Variants in MAGI1 observed in about 807,000 individuals in gnomAD.
MAGI1 encodes membrane-associated guanylate kinase, WW and PDZ domain-containing protein 1.
Under a neutral mutation model 139.9 loss-of-function variants are expected in MAGI1, and 58 were observed. That is an observed-to-expected ratio of 0.41 (90% CI 0.34 to 0.52). MAGI1 has a LOEUF of 0.52. Among genes scored for constraint, MAGI1 ranks in the 20% least tolerant of loss-of-function variants. The probability of loss-of-function intolerance (pLI) is 0.12; values close to 1 mark genes in which losing one functional copy is unlikely to be tolerated. For missense variants in MAGI1, 1,874 were observed against 1,901.6 expected, an observed-to-expected ratio of 0.99 and a Z score of 0.27; for synonymous variants, 812 against 737.9, an observed-to-expected ratio of 1.10 and a Z score of -1.63.
At chr3:65,697,058 C>A (rs1441261116) in intron 1 of MAGI1, among the ~76,000 whole-genome samples, 1 of 152,174 alleles carries the variant, frequency 6.6e-6, no homozygotes, top group South Asian at 2.1e-4. Flanking sequence ...ACCAATCCCA[C>A]AGAAATACAA....
intron 16 of MAGI1, among the ~76,000 whole-genome samples, chr3:65,379,888 A>G (rs1273485854): frequency 6.6e-6 from 1 of 152,208 alleles, no homozygotes; most frequent in East Asian, 1.9e-4. Context: ...CCCATTGCAC[A>G]AAGGGAAGGG....
chr3:65,405,590 T>G (rs1193184639), intron 12 of MAGI1, among the ~76,000 whole-genome samples: 2 of 145,788 alleles, frequency 1.4e-5, no homozygotes, highest in African/African-American at 4.9e-5. Flanking sequence ...TAAACAAAAC[T>G]CTATACTGCT....
intron 2 of MAGI1, among the ~76,000 whole-genome samples, chr3:65,550,741 G>A (rs1055855709): frequency 6.6e-6 from 1 of 151,820 alleles, no homozygotes; most frequent in African/African-American, 2.4e-5. Context: ...AAGACAGGAG[G>A]ATCACTTGAG....
intron 4 of MAGI1, 139 bp downstream of exon 4, chr3:65,478,453 C>A (rs753879650): frequency 7.0e-5 from 52 of 743,242 alleles, no homozygotes; most frequent in Non-Finnish European, 1.4e-5. Context: ...CTTCTGCAAG[C>A]ACTGTGTGGT....
intron 1 of MAGI1, among the ~76,000 whole-genome samples, chr3:65,753,427 A>G (rs1344354808): frequency 6.6e-6 from 1 of 152,174 alleles, no homozygotes; most frequent in Non-Finnish European, 1.5e-5. Flanking sequence ...TTATTGGTAA[A>G]GAAACTAAGA....
chr3:65,531,129 C>CT (rs2078693968), intron 2 of MAGI1, among the ~76,000 whole-genome samples: 1 of 151,704 alleles, frequency 6.6e-6, no homozygotes, highest in African/African-American at 2.4e-5. Flanking sequence ...AGCAAAATCT[C>CT]TTTTTTTACA....
At chr3:65,867,204 A>G (rs1384275796) in intron 1 of MAGI1, among the ~76,000 whole-genome samples, 1 of 152,192 alleles carries the variant, frequency 6.6e-6, no homozygotes, top group Non-Finnish European at 1.5e-5. Flanking sequence ...GGCACTCATC[A>G]TCTTCCAACC....
chr3:66,008,619 G>A (rs1444693864), intron 1 of MAGI1, among the ~76,000 whole-genome samples: 1 of 152,156 alleles, frequency 6.6e-6, no homozygotes, highest in Non-Finnish European at 1.5e-5. Flanking sequence ...AACAAGATGA[G>A]ATTCTGTCAG....
At chr3:65,590,709 T>C (rs1159457610) in intron 2 of MAGI1, among the ~76,000 whole-genome samples, 6 of 152,168 alleles carry the variant, frequency 3.9e-5, no homozygotes, top group Non-Finnish European at 1.5e-5. Flanking sequence ...CTACCAAATG[T>C]GACCTACATC....
chr3:65,514,565 T>C (rs1460808328), intron 2 of MAGI1, among the ~76,000 whole-genome samples: 1 of 146,770 alleles, frequency 6.8e-6, no homozygotes, highest in African/African-American at 2.6e-5. Context: ...AAAATGCTCA[T>C]CATCACTGGC....
At chr3:65,515,479 CACTT>C (rs1470342774) in intron 2 of MAGI1, among the ~76,000 whole-genome samples, 8 of 152,234 alleles carry the variant, frequency 5.3e-5, no homozygotes, top group African/African-American at 1.4e-4. Flanking sequence ...CAATGAATGA[CACTT>C]ACACTAAAAG....
intron 1 of MAGI1, among the ~76,000 whole-genome samples, chr3:65,818,629 G>C (rs1186835502): frequency 6.6e-6 from 1 of 152,142 alleles, no homozygotes; most frequent in Non-Finnish European, 1.5e-5. Flanking sequence ...GCATGAAGGA[G>C]GAACCCAACG....
At chr3:66,021,383 CT>C (rs2067951683) in intron 1 of MAGI1, among the ~76,000 whole-genome samples, 1 of 152,178 alleles carries the variant, frequency 6.6e-6, no homozygotes, top group Non-Finnish European at 1.5e-5. Flanking sequence ...TACTAAAACC[CT>C]GAAGCAAGAA....
At chr3:65,772,538 A>T (rs979020078) in intron 1 of MAGI1, among the ~76,000 whole-genome samples, 1 of 152,178 alleles carries the variant, frequency 6.6e-6, no homozygotes. Flanking sequence ...CAAGGGAGGG[A>T]CACCTCTTTC....
intron 1 of MAGI1, among the ~76,000 whole-genome samples, chr3:65,996,296 C>T (rs149838665): frequency 0.012 from 1,766 of 152,214 alleles, 33 homozygotes; most frequent in African/African-American, 0.035. Context: ...ACACAATAAG[C>T]TCTCAATAAT....
intron 2 of MAGI1, among the ~76,000 whole-genome samples, chr3:65,588,952 G>C (rs1219132580): frequency 6.6e-6 from 1 of 152,150 alleles, no homozygotes; most frequent in Non-Finnish European, 1.5e-5. Context: ...AAAAATGTAT[G>C]AGACACTGAA....
At chr3:65,772,856 A>C (rs4688599) in intron 1 of MAGI1, among the ~76,000 whole-genome samples, 77,300 of 151,938 alleles carry the variant, frequency 0.51, 20,310 homozygotes, top group East Asian at 0.6. Flanking sequence ...GAAAAGATGC[A>C]CAGAAAGCAA....
chr3:65,726,749 G>T (rs894307217), intron 1 of MAGI1, among the ~76,000 whole-genome samples: 2 of 151,976 alleles, frequency 1.3e-5, no homozygotes, highest in African/African-American at 4.8e-5. Flanking sequence ...GCCTGGGTAG[G>T]GTTTCAGGCA....
chr3:65,479,449 T>G (rs1043323555), intron 3 of MAGI1, among the ~76,000 whole-genome samples: 2 of 152,166 alleles, frequency 1.3e-5, no homozygotes, highest in Non-Finnish European at 2.9e-5. Context: ...CAGCCACTCT[T>G]TCCCAGTTTG....
Sources: allele counts gnomAD v4.1 joint callset (sites outside exome capture counted in the v4.1 genomes callset), GRCh38; gene constraint gnomAD v4.1.1; transcripts MANE v1.5; gene names NCBI Gene and HGNC (gene_info 2026-07-23, HGNC 2026-07-21).